The following CHD7 variants were observed in gnomAD, a reference collection of about 807,000 sequenced individuals.
CHD7 encodes chromodomain helicase DNA binding protein 7, also known as ATP-dependent chromatin remodeler CHD7.
CHD7 carries 24 observed loss-of-function variants against 307.3 expected under a neutral mutation model. That is an observed-to-expected ratio of 0.08 (90% CI 0.06 to 0.11). The LOEUF is 0.11. Ranked by LOEUF, CHD7 falls within the 10% of genes least tolerant of loss-of-function variation. The pLI is 1.00. For missense variants in CHD7, 3,106 were observed against 3,727.1 expected (o/e 0.83, Z 4.34); for synonymous variants, 1,363 against 1,349.9 (o/e 1.01, Z -0.21).
At chr8:60,721,354 G>A (rs1807895130) in intron 1 of CHD7, among the ~76,000 whole-genome samples, 1 of 152,216 alleles carries the variant, frequency 6.6e-6, no homozygotes, top group Non-Finnish European at 1.5e-5. Context: ...ACAGTGAGAT[G>A]GTGGCTGCCT....
At chr8:60,781,478 A>T (rs757271862) in intron 3 of CHD7, 48 bp downstream of exon 3, 4 of 1,482,422 alleles carry the variant, frequency 2.7e-6, no homozygotes, top group Non-Finnish European at 3.6e-6. Context: ...AGAGTACAGA[A>T]ATTAGCGCCA....
At chr8:60,762,586 C>T (rs1338729131) in intron 2 of CHD7, among the ~76,000 whole-genome samples, 1 of 152,172 alleles carries the variant, frequency 6.6e-6, no homozygotes, top group Admixed American at 6.5e-5. Context: ...AATACATGTA[C>T]TGTGCTTAGA....
At chr8:60,683,203 TA>T (rs1805717472) in intron 1 of CHD7, among the ~76,000 whole-genome samples, 1 of 152,238 alleles carries the variant, frequency 6.6e-6, no homozygotes, top group Non-Finnish European at 1.5e-5. Flanking sequence ...CCTTTCTCTA[TA>T]AAACTTTATT....
At chr8:60,763,318 G>A (rs906908782) in intron 2 of CHD7, among the ~76,000 whole-genome samples, 1 of 152,090 alleles carries the variant, frequency 6.6e-6, no homozygotes, top group African/African-American at 2.4e-5. Flanking sequence ...TGGTGCTTTT[G>A]TACTTGTAGC....
chr8:60,685,607 G>A (rs1181893537), intron 1 of CHD7, among the ~76,000 whole-genome samples: 1 of 152,198 alleles, frequency 6.6e-6, no homozygotes, highest in Non-Finnish European at 1.5e-5. Flanking sequence ...CAGAAGCAAG[G>A]AAGGAGTGAA....
intron 2 of CHD7, among the ~76,000 whole-genome samples, chr8:60,759,470 T>TCCCTCTCTCCCTCTCTCCCTCTCC (rs1810060854): frequency 6.8e-6 from 1 of 146,716 alleles, no homozygotes; most frequent in Non-Finnish European, 1.5e-5. Context: ...CCTCCCTCTC[T>TCCCTCTCTCCCTCTCTCCCTCTCC]CCCTCTCTCC....
chr8:60,781,570 A>T (rs1263784811), intron 3 of CHD7, 140 bp downstream of exon 3: 1 of 1,247,222 alleles, frequency 8.0e-7, no homozygotes, highest in African/African-American at 1.5e-5. Flanking sequence ...CTAATATCCA[A>T]ACTAAAAAGC....
chr8:60,749,190 G>A (rs777646785), intron 2 of CHD7, among the ~76,000 whole-genome samples: 7 of 151,518 alleles, frequency 4.6e-5, no homozygotes, highest in Non-Finnish European at 8.8e-5. Context: ...GGCCAACATA[G>A]TGAAACCCTG....
At chr8:60,817,566 CTGAG>C (rs779742175) in intron 8 of CHD7, among the ~76,000 whole-genome samples, 8 of 152,148 alleles carry the variant, frequency 5.3e-5, no homozygotes, top group Non-Finnish European at 1.2e-4. Flanking sequence ...CCCTGGCACT[CTGAG>C]TGTGCAGCAT....
At chr8:60,714,940 C>CATG (rs1401852539) in intron 1 of CHD7, among the ~76,000 whole-genome samples, 4 of 152,256 alleles carry the variant, frequency 2.6e-5, no homozygotes, top group African/African-American at 9.6e-5. Flanking sequence ...CATGAGGGCG[C>CATG]AGGCGCCATA....
At chr8:60,721,225 T>C (rs1232007443) in intron 1 of CHD7, among the ~76,000 whole-genome samples, 3 of 152,156 alleles carry the variant, frequency 2.0e-5, no homozygotes, top group Admixed American at 6.5e-5. Flanking sequence ...TAAGATTACA[T>C]GAGGTTATAA....
intron 1 of CHD7, among the ~76,000 whole-genome samples, chr8:60,688,023 A>AT (rs1805999537): frequency 6.6e-6 from 1 of 151,676 alleles, no homozygotes; most frequent in Non-Finnish European, 1.5e-5. Context: ...AGCCCAGGCT[A>AT]TTTTTTTCTG....
At chr8:60,801,717 C>T in intron 6 of CHD7, 124 bp downstream of exon 6, 1 of 660,062 alleles carries the variant, frequency 1.5e-6, no homozygotes, top group Non-Finnish European at 2.6e-6. Flanking sequence ...TATTTCTAAT[C>T]CTGTCTAATT....
At position 60,741,239 on chromosome 8, in the gene CHD7, C is replaced by T. The variant is rs935230440; in HGVS notation, c.-174-20C>T. On this transcript the variant is annotated intron_variant, in intron 1 of 37. Coordinates refer to ENST00000423902, the MANE Select transcript of CHD7 (RefSeq NM_017780.4). ...CTTTGTTTTCTTCCTTCTTCTCCCC[C>T]ACCCCAAACTCCCTTCCAGGACCTA... is the stretch of plus-strand genomic sequence containing the variant. 16 of 570,286 alleles carry T rather than the reference C, an allele frequency of 2.8e-5. No homozygotes were observed. Among genetic ancestry groups the T allele is most frequent in the African/African-American group, 2.1e-4 (11 of 53,584 alleles). 35.3% of individuals were successfully genotyped at this position (570,286 alleles called of 1,614,324 possible).
intron 13 of CHD7, among the ~76,000 whole-genome samples, chr8:60,827,284 C>T (rs543548986): frequency 1.1e-4 from 16 of 150,082 alleles, no homozygotes; most frequent in African/African-American, 2.4e-4. Context: ...TTCCTTTTTT[C>T]GAATAAGTTT....
intron 1 of CHD7, chr8:60,679,426 G>T (rs1805450138): frequency 8.0e-6 from 1 of 125,612 alleles, no homozygotes; most frequent in African/African-American, 2.7e-5. Context: ...GCTTTTTGTT[G>T]TGCTGCCGGC....
intron 4 of CHD7, among the ~76,000 whole-genome samples, chr8:60,798,022 A>G (rs559757119): frequency 6.6e-6 from 1 of 152,262 alleles, no homozygotes; most frequent in Non-Finnish European, 1.5e-5. Flanking sequence ...CATATGAGGT[A>G]GTTACTGTCA....
intron 2 of CHD7, among the ~76,000 whole-genome samples, chr8:60,776,891 G>C (rs887815360): frequency 1.3e-4 from 20 of 152,126 alleles, no homozygotes; most frequent in African/African-American, 4.8e-4. Context: ...ATAAAAATGT[G>C]TCTCCAAAGC....
chr8:60,815,125 A>G (rs1031455549), intron 7 of CHD7, among the ~76,000 whole-genome samples: 4 of 152,232 alleles, frequency 2.6e-5, no homozygotes, highest in African/African-American at 9.6e-5. Context: ...TGTAAGTCAT[A>G]TGTATTTAAA....
Sources: gnomAD v4.1 joint callset for allele counts (sites outside exome capture counted in the v4.1 genomes callset) on GRCh38, gnomAD v4.1.1 for gene constraint, MANE v1.5 for transcripts, NCBI Gene and HGNC (gene_info 2026-07-23, HGNC 2026-07-21) for gene names.